The following UBE2H variants were observed in gnomAD, a reference collection of about 807,000 sequenced individuals.
UBE2H encodes the protein ubiquitin-conjugating enzyme E2 H.
A neutral mutation model predicts 29.0 loss-of-function variants in UBE2H; 3 were observed. That is an observed-to-expected ratio of 0.10 (90% CI 0.05 to 0.27). UBE2H has a LOEUF of 0.27. UBE2H is among the 10% of genes least tolerant of loss of function. The pLI is 1.00. For synonymous variants in UBE2H, 69 were observed against 82.9 expected (o/e 0.83, Z 0.91); for missense variants, 68 against 228.2 (o/e 0.30, Z 4.52).
chr7:129,943,331 G>T (rs1807685995), intron 1 of UBE2H, among the ~76,000 whole-genome samples: 1 of 152,160 alleles, frequency 6.6e-6, no homozygotes, highest in African/African-American at 2.4e-5. Context: ...ACCATACCTG[G>T]CTAATTTTTT....
At chr7:129,869,219 T>G (rs1805979634) in intron 3 of UBE2H, among the ~76,000 whole-genome samples, 1 of 152,038 alleles carries the variant, frequency 6.6e-6, no homozygotes, top group African/African-American at 2.4e-5. Flanking sequence ...ATTACAGACG[T>G]GAGCCACCGT....
intron 1 of UBE2H, among the ~76,000 whole-genome samples, chr7:129,925,877 G>A (rs868134309): frequency 6.6e-6 from 1 of 152,124 alleles, no homozygotes; most frequent in Non-Finnish European, 1.5e-5. Context: ...CATGAAGCCC[G>A]CCCTTATCTG....
intron 5 of UBE2H, among the ~76,000 whole-genome samples, chr7:129,854,071 T>TTTTTTTATTTTTTTTTA (rs1563022999): frequency 6.7e-6 from 1 of 149,912 alleles, no homozygotes; most frequent in African/African-American, 2.4e-5. Flanking sequence ...TTTTTTTTTT[T>TTTTTTTATTTTTTTTTA]TTTTTTTTTT....
intron 1 of UBE2H, among the ~76,000 whole-genome samples, chr7:129,893,407 C>G (rs925518851): frequency 1.3e-5 from 2 of 152,044 alleles, no homozygotes; most frequent in Non-Finnish European, 2.9e-5. Context: ...CATTTTAAGA[C>G]AGGTTTATCA....
intron 1 of UBE2H, among the ~76,000 whole-genome samples, chr7:129,882,360 C>T (rs887280518): frequency 1.1e-4 from 17 of 152,156 alleles, no homozygotes; most frequent in African/African-American, 3.6e-4. Flanking sequence ...AAATTATATA[C>T]TGTTAATACA....
At chr7:129,928,859 A>C (rs1807327731) in intron 1 of UBE2H, among the ~76,000 whole-genome samples, 1 of 152,218 alleles carries the variant, frequency 6.6e-6, no homozygotes, top group Non-Finnish European at 1.5e-5. Context: ...CTGCATATTA[A>C]AAAAGATACA....
chr7:129,916,428 TAAA>T (rs5741663), intron 1 of UBE2H, among the ~76,000 whole-genome samples: 7 of 137,624 alleles, frequency 5.1e-5, no homozygotes, highest in Admixed American at 7.3e-5. Context: ...TCTTCCCACT[TAAA>T]AAAAAAAAAA....
intron 1 of UBE2H, among the ~76,000 whole-genome samples, chr7:129,921,567 C>A (rs1215329902): frequency 6.6e-6 from 1 of 151,868 alleles, no homozygotes; most frequent in Non-Finnish European, 1.5e-5. Context: ...GGCATGGTGG[C>A]ACACGTCTGT....
At chr7:129,858,117 T>G (rs1053897916) in intron 4 of UBE2H, among the ~76,000 whole-genome samples, 1 of 152,136 alleles carries the variant, frequency 6.6e-6, no homozygotes, top group African/African-American at 2.4e-5. Context: ...AAGAAAAAAG[T>G]GCTAAAAAGT....
At chr7:129,937,508 T>G (rs1807555831) in intron 1 of UBE2H, among the ~76,000 whole-genome samples, 1 of 152,150 alleles carries the variant, frequency 6.6e-6, no homozygotes, top group Non-Finnish European at 1.5e-5. Context: ...GAGAAAGAAC[T>G]GGTTACTAAC....
intron 1 of UBE2H, among the ~76,000 whole-genome samples, chr7:129,947,063 T>A (rs1807779087): frequency 6.6e-6 from 1 of 152,218 alleles, no homozygotes; most frequent in South Asian, 2.1e-4. Flanking sequence ...AAACTTAGGT[T>A]GTTCTAACAT....
intron 5 of UBE2H, among the ~76,000 whole-genome samples, chr7:129,854,918 GA>G (rs1375063202): frequency 3.4e-5 from 5 of 145,648 alleles, no homozygotes; most frequent in East Asian, 2.0e-4. Flanking sequence ...TATGCAAAGT[GA>G]AAAAAAAAAC....
chr7:129,838,671 GCT>G (rs1409190717), intron 6 of UBE2H, among the ~76,000 whole-genome samples: 3 of 152,012 alleles, frequency 2.0e-5, no homozygotes, highest in Non-Finnish European at 4.4e-5. Context: ...ACAGAATCTT[GCT>G]CTGTCACCCA....
rs566616113 is a variant in UBE2H at position 129,871,197 on chromosome 7, G to A, written c.205+8371C>T. 6.0e-4 allele frequency among the ~76,000 whole-genome samples: 92 copies of A among 152,290 alleles called. 1 individual carries two copies. Among genetic ancestry groups the A allele is most frequent in the African/African-American group, 2.0e-3 (85 of 41,548 alleles). On this transcript the variant is annotated intron_variant, in intron 3 of 6. Coordinates refer to ENST00000355621, the MANE Select transcript of UBE2H (RefSeq NM_003344.4). ...CAGCACCCAGAATAACGCCCAGCTCGCAGTAGGTATCCAATAACTTTGTGA... is the reference window on the plus strand; with the variant it reads ...CAGCACCCAGAATAACGCCCAGCTCACAGTAGGTATCCAATAACTTTGTGA...
chr7:129,897,074 G>A (rs981702819), intron 1 of UBE2H, among the ~76,000 whole-genome samples: 4 of 151,964 alleles, frequency 2.6e-5, no homozygotes, highest in African/African-American at 9.7e-5. Flanking sequence ...TACATTCAGC[G>A]CACCCCAAAG....
At chr7:129,943,718 T>C (rs1174604581) in intron 1 of UBE2H, among the ~76,000 whole-genome samples, 1 of 152,078 alleles carries the variant, frequency 6.6e-6, no homozygotes, top group Non-Finnish European at 1.5e-5. Context: ...CTGGCCAACA[T>C]GGCAAAACCC....
intron 5 of UBE2H, among the ~76,000 whole-genome samples, chr7:129,849,915 TA>T (rs2116295287): frequency 6.6e-6 from 1 of 152,356 alleles, no homozygotes; most frequent in South Asian, 2.1e-4. Context: ...TATCTTCTCA[TA>T]TTAGCCCATG....
rs557085203 is a variant in UBE2H, at chr7:129,883,132, C to T, written c.54-2161G>A. On this transcript the variant is annotated intron_variant, in intron 1 of 6. Transcript: ENST00000355621. Reference sequence around the variant, plus strand: ...TCTTCACTATAAACAATGAAAACAACGAAAGAGCTGGATAAAATCTAGTGT... The same window carrying T: ...TCTTCACTATAAACAATGAAAACAATGAAAGAGCTGGATAAAATCTAGTGT... 4.6e-5 allele frequency among the ~76,000 whole-genome samples: 7 copies of T among 152,200 alleles called. No individual in the cohort carries two copies. The East Asian group carries it at 1.2e-3, about 25-fold the overall frequency.
intron 3 of UBE2H, among the ~76,000 whole-genome samples, chr7:129,876,081 C>A (rs1003106204): frequency 6.6e-6 from 1 of 152,160 alleles, no homozygotes; most frequent in South Asian, 2.1e-4. Context: ...CCATTAAGTA[C>A]ACGTAGTATT....
Sources: gnomAD v4.1 joint callset for allele counts (sites outside exome capture counted in the v4.1 genomes callset) on GRCh38, gnomAD v4.1.1 for gene constraint, MANE v1.5 for transcripts, NCBI Gene and HGNC (gene_info 2026-07-23, HGNC 2026-07-21) for gene names.